Variants in AGXT2 observed in about 807,000 individuals in gnomAD.
The protein encoded by AGXT2 is alanine--glyoxylate aminotransferase 2, also known as alanine--glyoxylate aminotransferase 2, mitochondrial.
AGXT2 carries 61 observed loss-of-function variants against 62.5 expected under a neutral mutation model. That is an observed-to-expected ratio of 0.98 (90% CI 0.79 to 1.21). AGXT2 has a LOEUF of 1.21. Among genes scored for constraint, AGXT2 ranks in the 50% most tolerant of loss-of-function variants. The pLI is 0.00. For missense variants in AGXT2, 666 were observed against 641.5 expected (o/e 1.04, Z -0.41); for synonymous variants, 243 against 218.7 (o/e 1.11, Z -0.98).
intron 9 of AGXT2, among the ~76,000 whole-genome samples, chr5:35,019,883 A>C (rs1766999948): frequency 6.6e-6 from 1 of 152,242 alleles, no homozygotes; most frequent in Non-Finnish European, 1.5e-5. Context: ...AAAAATGATA[A>C]AGGGGATATC....
chr5:35,010,845 G>T (rs62357034), intron 11 of AGXT2, among the ~76,000 whole-genome samples: 33,678 of 152,108 alleles, frequency 0.22, 4,070 homozygotes, highest in South Asian at 0.31. Flanking sequence ...AAATATCACA[G>T]ATGGTTTCCC....
chr5:35,033,547 G>A lies in AGXT2; in HGVS notation c.588C>T (p.Ala196=). The A allele has an allele frequency of 6.2e-7, 1 of 1,613,454 alleles. No homozygotes were observed. The change falls in exon 6 of 14, where the codon GCC becomes GCT. Residue 196 remains alanine (A), a synonymous_variant. Transcript: ENST00000231420. The stretch of plus-strand genomic sequence containing the variant: ...GTGTGTAAGGACTGCATCCATGGTA[G>A]GCTCCTCTGCAGAGAAGAAACAACA... The part of the protein sequence containing the change: ...NNIDIISFRG[A]YHGCSPYTLG...
chr5:35,035,564 C>A (rs1370374874), intron 4 of AGXT2, among the ~76,000 whole-genome samples: 2 of 149,844 alleles, frequency 1.3e-5, no homozygotes, highest in African/African-American at 4.9e-5. Context: ...ACATTCCTGG[C>A]TTTTAATGGC....
intron 9 of AGXT2, among the ~76,000 whole-genome samples, chr5:35,025,150 C>T (rs375033933): frequency 1.3e-5 from 2 of 152,134 alleles, no homozygotes; most frequent in Non-Finnish European, 2.9e-5. Flanking sequence ...CCAAGGCGGG[C>T]GGATCACTTG....
At position 35,001,194 on chromosome 5, in the gene AGXT2, A is replaced by G. The variant is rs1766216171; in HGVS notation, c.1438-2368T>C. 1.3e-5 allele frequency among the ~76,000 whole-genome samples: 2 copies of G among 152,232 alleles called. 1 individual carries two copies. The highest frequency in any genetic ancestry group is 4.8e-5 in the African/African-American group (2 of 41,464). On this transcript the variant is annotated intron_variant, in intron 13 of 13. Coordinates refer to ENST00000231420, the MANE Select transcript of AGXT2 (RefSeq NM_031900.4). ...CCACTATAAGTCAAGAAGCATCTGT[A>G]GATAGAGTGAGATGTTTATGAACAC...
intron 12 of AGXT2, among the ~76,000 whole-genome samples, chr5:35,006,540 A>G (rs1320884526): frequency 6.6e-6 from 1 of 152,004 alleles, no homozygotes; most frequent in Non-Finnish European, 1.5e-5. Flanking sequence ...TTTTTAAACA[A>G]CCAGATCTCA....
intron 1 of AGXT2, among the ~76,000 whole-genome samples, chr5:35,045,764 C>CTTTTTTTTTTTTTTTT (rs1255749919): frequency 4.0e-5 from 4 of 99,162 alleles, no homozygotes; most frequent in Non-Finnish European, 6.0e-5. Context: ...TTTCTTTTTT[C>CTTTTTTTTTTTTTTTT]TTTTTTTTTT....
In AGXT2 at chr5:35,033,554, C is replaced by G. The variant is rs1360385322; in HGVS notation, c.582-1G>C. On this transcript the variant is annotated splice_acceptor_variant, in intron 5 of 13. Coordinates refer to ENST00000231420, the MANE Select transcript of AGXT2 (RefSeq NM_031900.4). LOFTEE classifies it high-confidence loss of function. ...AGGACTGCATCCATGGTAGGCTCCT[C>G]TGCAGAGAAGAAACAACAGGAGGAT... The G allele has an allele frequency of 6.2e-7, 1 of 1,612,998 alleles. No individual in the cohort carries two copies.
chr5:35,030,694 C>T (rs184705921), intron 7 of AGXT2, among the ~76,000 whole-genome samples: 2 of 152,238 alleles, frequency 1.3e-5, no homozygotes, highest in South Asian at 2.1e-4. Context: ...TTATAGTAGG[C>T]TTGTGTCTCT....
chr5:35,010,373 G>A (rs892209917), intron 11 of AGXT2, among the ~76,000 whole-genome samples: 3 of 152,164 alleles, frequency 2.0e-5, no homozygotes, highest in Admixed American at 6.5e-5. Context: ...ACCTTCAGAG[G>A]TGGCTAAGTA....
chr5:35,042,611 GA>G (rs1768027591), intron 1 of AGXT2, among the ~76,000 whole-genome samples: 2 of 152,084 alleles, frequency 1.3e-5, no homozygotes, highest in Admixed American at 1.3e-4. Flanking sequence ...AATCTATCTA[GA>G]TAATTGCATG....
chr5:35,014,214 G>A, intron 9 of AGXT2, 95 bp from the exon 10 acceptor site: 1 of 1,545,540 alleles, frequency 6.5e-7, no homozygotes, highest in Admixed American at 1.7e-5. Context: ...AGCACTTTAG[G>A]AGGCTGAAGC....
chr5:35,026,173 C>A, intron 8 of AGXT2: 1 of 602,190 alleles, frequency 1.7e-6, no homozygotes, highest in Non-Finnish European at 2.9e-6. Flanking sequence ...AGGGTTTCCT[C>A]TTCTTAAGAA....
chr5:35,010,639 C>T (rs1330431243), intron 11 of AGXT2, among the ~76,000 whole-genome samples: 2 of 151,950 alleles, frequency 1.3e-5, no homozygotes, highest in East Asian at 1.9e-4. Context: ...GAGCCAAGAT[C>T]GCGCCACTGC....
intron 7 of AGXT2, among the ~76,000 whole-genome samples, chr5:35,028,079 C>T (rs981519791): frequency 1.3e-5 from 2 of 151,802 alleles, no homozygotes; most frequent in Non-Finnish European, 2.9e-5. Context: ...TTCGTCATCT[C>T]TTCCCTGCAC....
rs1766697779 is a variant in AGXT2, at chr5:35,012,902, TGAAA to T, written c.1188+48_1188+51del. On this transcript the variant is annotated intron_variant, in intron 11 of 13. Transcript: ENST00000231420. ...AGTTCTGCTAATGCATGTGTGGTTT[TGAAA>T]GAGTCATTTGTGAAATGAGTGAGGT... 2.0e-6 allele frequency: 3 copies of T among 1,495,832 alleles called. 1 individual carries two copies. In the South Asian group the frequency reaches 3.6e-5, roughly 18 times the overall value. The allele number at this position is 1,495,832 out of a possible 1,614,324, so 92.7% of individuals were successfully genotyped here. A position where few individuals can be genotyped will look rare whatever the true frequency, so the allele number is the denominator to read the frequency against.
intron 9 of AGXT2, among the ~76,000 whole-genome samples, chr5:35,017,310 C>T (rs961210358): frequency 6.6e-6 from 1 of 152,136 alleles, no homozygotes; most frequent in East Asian, 1.9e-4. Context: ...CACCTTGGAC[C>T]TACATTCACT....
In AGXT2 at chr5:35,003,878, A is replaced by T; in HGVS notation, c.1339-17T>A. ...ACAGCTTATCTGTAAATATATTTTT[A>T]AAATTCTTTCTATTTGGTGTTGGAA... On this transcript the variant is annotated splice_polypyrimidine_tract_variant and intron_variant, in intron 12 of 13. Transcript: ENST00000231420. 1 of 1,610,114 alleles carries T rather than the reference A, an allele frequency of 6.2e-7. No homozygotes were observed.
At chr5:35,019,447 A>G (rs1378132438) in intron 9 of AGXT2, among the ~76,000 whole-genome samples, 1 of 151,248 alleles carries the variant, frequency 6.6e-6, no homozygotes, top group African/African-American at 2.4e-5. Context: ...ACTACATGGA[A>G]ACTGAACAAC....
Sources: allele counts gnomAD v4.1 joint callset (sites outside exome capture counted in the v4.1 genomes callset), GRCh38; gene constraint gnomAD v4.1.1; transcripts MANE v1.5; gene names NCBI Gene and HGNC (gene_info 2026-07-23, HGNC 2026-07-21).